The following NRCAM variants were observed in gnomAD, a reference collection of about 807,000 sequenced individuals.
NRCAM encodes neuronal cell adhesion molecule.
In NRCAM, 83 loss-of-function variants were observed where a neutral mutation model predicts 156.5. The observed-to-expected ratio is 0.53, with a 90% CI of 0.44 to 0.64. NRCAM has a LOEUF of 0.64. Among genes scored for constraint, NRCAM ranks in the 30% least tolerant of loss-of-function variants. NRCAM has a pLI of 0.00. For missense variants in NRCAM, 1,417 were observed against 1,597.3 expected, an observed-to-expected ratio of 0.89 and a Z score of 1.92; for synonymous variants, 538 against 563.9, an observed-to-expected ratio of 0.95 and a Z score of 0.65.
chr7:108,232,488 T>C lies in NRCAM; in HGVS notation c.265A>G (p.Ile89Val), dbSNP rs753681620. Residue 89 changes from isoleucine to valine, a missense_variant, in exon 7 of 33, where the codon ATC becomes GTC. Physicochemically the swap from Ile to Val is conservative, Grantham distance 29 (BLOSUM62 3). Coordinates refer to ENST00000379028, the MANE Select transcript of NRCAM (RefSeq NM_001037132.4). ...ATGGTGACCAGAGGGTCTTTATCGA[T>C]GTCAAAATGAGTCCCATTACGGGTC... ...SWTRNGTHFD[I>V]DKDPLVTMKP... The C allele has an allele frequency of 2.5e-6, 4 of 1,612,734 alleles. No individual in the cohort carries two copies. The South Asian group carries it at 4.4e-5, about 18-fold the overall frequency.
chr7:108,291,339 T>C (rs2098282495), intron 3 of NRCAM, among the ~76,000 whole-genome samples: 2 of 152,228 alleles, frequency 1.3e-5, no homozygotes, highest in South Asian at 4.1e-4. Flanking sequence ...ATTATGCAAT[T>C]TATTTTTTAG....
chr7:108,180,144 C>G, intron 25 of NRCAM, 79 bp downstream of exon 25: 1 of 1,222,190 alleles, frequency 8.2e-7, no homozygotes, highest in East Asian at 2.3e-5. Context: ...ATACTTTGAT[C>G]AGTAGCCCTT....
chr7:108,371,470 G>A (rs143920564), intron 2 of NRCAM, among the ~76,000 whole-genome samples: 21 of 152,228 alleles, frequency 1.4e-4, no homozygotes, highest in African/African-American at 4.8e-4. Flanking sequence ...GCTATTGTAC[G>A]TAAATGTCTT....
At chr7:108,421,786 T>C (rs1563736734) in intron 1 of NRCAM, among the ~76,000 whole-genome samples, 1 of 152,218 alleles carries the variant, frequency 6.6e-6, no homozygotes, top group Non-Finnish European at 1.5e-5. Flanking sequence ...ATCTTGTATT[T>C]CTGACCAAAC....
intron 3 of NRCAM, among the ~76,000 whole-genome samples, chr7:108,253,682 C>A (rs2096487620): frequency 6.6e-6 from 1 of 152,202 alleles, no homozygotes. Context: ...GCCATCTTCT[C>A]ATGCACAGAG....
chr7:108,253,453 A>G (rs936843128), intron 3 of NRCAM, among the ~76,000 whole-genome samples: 9 of 152,214 alleles, frequency 5.9e-5, no homozygotes, highest in Middle Eastern at 3.2e-3. Context: ...AGCCATGAGT[A>G]AAGTCCAAGC....
At chr7:108,234,367 A>C (rs1231215821) in intron 6 of NRCAM, among the ~76,000 whole-genome samples, 1 of 152,124 alleles carries the variant, frequency 6.6e-6, no homozygotes, top group East Asian at 1.9e-4. Context: ...TGCAGGACCC[A>C]AGAAGTTACC....
chr7:108,164,773 G>C (rs1437142343), intron 30 of NRCAM, among the ~76,000 whole-genome samples: 1 of 152,172 alleles, frequency 6.6e-6, no homozygotes, highest in Non-Finnish European at 1.5e-5. Context: ...ATCAATATTT[G>C]TTCTTTTTAA....
In NRCAM at chr7:108,256,912, G is replaced by C. The variant is rs73416309; in HGVS notation, c.-106-16742C>G. Among the ~76,000 whole-genome samples, 1,345 of 151,664 alleles carry C rather than the reference G, an allele frequency of 8.9e-3. 25 individuals carry two copies. Among genetic ancestry groups the C allele is most frequent in the African/African-American group, 0.031 (1,284 of 41,320 alleles). Reference sequence around the variant, plus strand: ...TAATCCCAGTTACTCTGGTGGCTAAGGCACAAGAATCACTTGAACCCGGGA... The same window carrying C: ...TAATCCCAGTTACTCTGGTGGCTAACGCACAAGAATCACTTGAACCCGGGA... On this transcript the variant is annotated intron_variant, in intron 3 of 32. Transcript: ENST00000379028.
chr7:108,163,412 C>T (rs901156737), intron 30 of NRCAM, among the ~76,000 whole-genome samples: 3 of 152,076 alleles, frequency 2.0e-5, no homozygotes, highest in Non-Finnish European at 2.9e-5. Context: ...AGAAGAGAGA[C>T]AGGGTGAGGG....
chr7:108,214,718 C>G (rs987163951), intron 11 of NRCAM, among the ~76,000 whole-genome samples: 7 of 152,080 alleles, frequency 4.6e-5, no homozygotes, highest in African/African-American at 7.2e-5. Flanking sequence ...AGATCTTTCC[C>G]ACTTTGTCCT....
intron 29 of NRCAM, among the ~76,000 whole-genome samples, chr7:108,168,068 G>C (rs958015312): frequency 2.0e-5 from 3 of 152,112 alleles, no homozygotes; most frequent in African/African-American, 7.2e-5. Flanking sequence ...TATGCCCTCT[G>C]TTATTAATAA....
chr7:108,316,850 G>T (rs953763871), intron 2 of NRCAM, among the ~76,000 whole-genome samples: 1 of 151,744 alleles, frequency 6.6e-6, no homozygotes, highest in African/African-American at 2.4e-5. Flanking sequence ...GTCTAACAAA[G>T]AGTCATGCCC....
intron 4 of NRCAM, 91 bp from the exon 5 acceptor site, chr7:108,237,860 A>T (rs1242803998): frequency 8.8e-6 from 8 of 905,054 alleles, no homozygotes; most frequent in Non-Finnish European, 1.1e-5. Context: ...CTCTGAAGAT[A>T]AAGGGGGCAT....
intron 2 of NRCAM, among the ~76,000 whole-genome samples, chr7:108,351,352 C>T (rs1288063839): frequency 1.3e-5 from 2 of 152,154 alleles, no homozygotes; most frequent in Non-Finnish European, 2.9e-5. Flanking sequence ...TATAGCAACA[C>T]AAAATGGTCT....
intron 3 of NRCAM, among the ~76,000 whole-genome samples, chr7:108,264,572 C>T (rs548966359): frequency 1.3e-5 from 2 of 152,310 alleles, no homozygotes; most frequent in African/African-American, 2.4e-5. Context: ...ATGCTTCATA[C>T]CAGTTGATAC....
chr7:108,193,351 C>A (rs2073224765), intron 17 of NRCAM, among the ~76,000 whole-genome samples: 2 of 152,228 alleles, frequency 1.3e-5, no homozygotes, highest in African/African-American at 2.4e-5. Flanking sequence ...AGGTGAACCA[C>A]ACAAATGATT....
intron 13 of NRCAM, 57 bp from the exon 14 acceptor site, chr7:108,198,156 T>G: frequency 7.0e-7 from 1 of 1,421,250 alleles, no homozygotes. Flanking sequence ...AGATGTATAT[T>G]AAGCTTGTAA....
intron 23 of NRCAM, among the ~76,000 whole-genome samples, chr7:108,182,423 T>C (rs916762946): frequency 1.3e-5 from 2 of 152,222 alleles, no homozygotes; most frequent in African/African-American, 4.8e-5. Context: ...TCCATAGGGC[T>C]ATCTGTGGGA....
Sources: gnomAD v4.1 joint callset for allele counts (sites outside exome capture counted in the v4.1 genomes callset) on GRCh38, gnomAD v4.1.1 for gene constraint, MANE v1.5 for transcripts, NCBI Gene and HGNC (gene_info 2026-07-23, HGNC 2026-07-21) for gene names.